The following PIK3C3 variants were observed in gnomAD, a reference collection of about 807,000 sequenced individuals.
PIK3C3 encodes phosphatidylinositol 3-kinase catalytic subunit type 3.
PIK3C3 carries 95 observed loss-of-function variants against 126.1 expected under a neutral mutation model. The ratio of observed to expected loss-of-function variants is 0.75; its 90% CI spans 0.64 to 0.89. The LOEUF is 0.89. Among genes scored for constraint, PIK3C3 ranks in the 40% least tolerant of loss-of-function variants. The pLI is 0.00. For missense variants in PIK3C3, 829 were observed against 1,063.2 expected (o/e 0.78, Z 3.06); for synonymous variants, 374 against 360.0 (o/e 1.04, Z -0.44).
chr18:42,015,811 C>T (rs1441453566), intron 12 of PIK3C3, among the ~76,000 whole-genome samples: 1 of 152,116 alleles, frequency 6.6e-6, no homozygotes, highest in Non-Finnish European at 1.5e-5. Context: ...TGAAAATAAA[C>T]TAGGCTTAAA....
At chr18:42,049,079 A>G in intron 20 of PIK3C3, among the ~76,000 whole-genome samples, 1 of 152,146 alleles carries the variant, frequency 6.6e-6, no homozygotes, top group African/African-American at 2.4e-5. Context: ...TTACCACTCA[A>G]ATGAATGCAT....
At chr18:41,979,409 A>G (rs1161112136) in intron 4 of PIK3C3, among the ~76,000 whole-genome samples, 1 of 152,200 alleles carries the variant, frequency 6.6e-6, no homozygotes, top group Non-Finnish European at 1.5e-5. Flanking sequence ...GTTATCTCTG[A>G]AAGACTAAGA....
At chr18:41,977,841 C>T (rs572611875) in intron 4 of PIK3C3, among the ~76,000 whole-genome samples, 133 of 152,244 alleles carry the variant, frequency 8.7e-4, no homozygotes, top group African/African-American at 3.1e-3. Flanking sequence ...ATGATGGTAA[C>T]GAAGTCTCAT....
intron 23 of PIK3C3, 145 bp downstream of exon 23, chr18:42,064,975 G>A (rs1331412415): frequency 1.8e-6 from 1 of 540,964 alleles, no homozygotes; most frequent in Non-Finnish European, 3.4e-6. Context: ...CTCTCATCTG[G>A]AGAGACAGTT....
intron 4 of PIK3C3, among the ~76,000 whole-genome samples, chr18:41,974,102 A>G (rs150283251): frequency 4.6e-4 from 70 of 152,330 alleles, no homozygotes; most frequent in African/African-American, 1.5e-3. Flanking sequence ...ACTCACTTAT[A>G]GAACTACTTC....
intron 3 of PIK3C3, among the ~76,000 whole-genome samples, chr18:41,967,412 G>A (rs1980425576): frequency 6.6e-6 from 1 of 152,116 alleles, no homozygotes; most frequent in Non-Finnish European, 1.5e-5. Flanking sequence ...TTTCTCAGAT[G>A]TTTCTTATGC....
chr18:41,983,566 T>C (rs625896), intron 4 of PIK3C3, among the ~76,000 whole-genome samples: 76,482 of 151,948 alleles, frequency 0.5, 21,317 homozygotes, highest in African/African-American at 0.75. Context: ...ATAGCTCTTA[T>C]ACTCAAGAAG....
intron 13 of PIK3C3, chr18:42,025,478 T>C (rs1419249802): frequency 6.6e-6 from 1 of 152,202 alleles, no homozygotes; most frequent in African/African-American, 2.4e-5. Flanking sequence ...CAGCCCCACT[T>C]CTCTGTCTTT....
At chr18:41,955,435 G>A (rs1359912368) in intron 1 of PIK3C3, 76 bp downstream of exon 1, 1 of 1,263,068 alleles carries the variant, frequency 7.9e-7, no homozygotes, top group Admixed American at 1.8e-5. Flanking sequence ...TTGGGAGTGA[G>A]AGGCAGAAAG....
intron 9 of PIK3C3, among the ~76,000 whole-genome samples, chr18:42,000,199 G>C (rs1266387398): frequency 6.6e-6 from 1 of 152,008 alleles, no homozygotes; most frequent in Non-Finnish European, 1.5e-5. Context: ...GATTGCAGGC[G>C]TGCACCACCA....
intron 4 of PIK3C3, among the ~76,000 whole-genome samples, chr18:41,978,225 G>A (rs1401863431): frequency 6.6e-6 from 1 of 152,144 alleles, no homozygotes; most frequent in East Asian, 1.9e-4. Context: ...AAACTGCTGG[G>A]ATTACAGGCA....
rs1555643385 is a variant in PIK3C3, at chr18:42,076,133, T to TATATATATGCAC, written c.2650-4982_2650-4981insGCACATATATAT. Among the ~76,000 whole-genome samples, 231 of 91,744 alleles carry TATATATATGCAC rather than the reference T, an allele frequency of 2.5e-3. 5 individuals are homozygous for TATATATATGCAC. The highest frequency in any genetic ancestry group is 0.013 in the African/African-American group (201 of 15,660). 60.2% of individuals were successfully genotyped at this position (91,744 alleles called of 152,430 possible). On this transcript the variant is annotated intron_variant, in intron 24 of 24. Transcript: ENST00000262039. ...ATATATATATATATGCGCATATATA[T>TATATATATGCAC]ATATATATATGCGCATATATATATA...
intron 24 of PIK3C3, among the ~76,000 whole-genome samples, chr18:42,072,873 G>C (rs189257541): frequency 9.9e-5 from 15 of 152,162 alleles, no homozygotes; most frequent in African/African-American, 3.6e-4. Flanking sequence ...GGTTGTATAC[G>C]TGGGAAAGAT....
At chr18:41,991,061 G>GT (rs1394148220) in intron 6 of PIK3C3, among the ~76,000 whole-genome samples, 1 of 152,084 alleles carries the variant, frequency 6.6e-6, no homozygotes, top group Non-Finnish European at 1.5e-5. Context: ...ATCAGGCTGG[G>GT]TAATAACAAA....
At position 42,067,404 on chromosome 18, in the gene PIK3C3, G is replaced by T; in HGVS notation, c.2540G>T (p.Arg847Leu). The T allele has an allele frequency of 6.2e-7, 1 of 1,613,922 alleles. No individual in the cohort carries two copies. The highest frequency in any genetic ancestry group is 8.5e-7 in the Non-Finnish European group (1 of 1,179,850). ...KTVKKVQDKFRLDLSDEEAVH... is the reference protein window; with the variant it reads ...KTVKKVQDKFLLDLSDEEAVH... ...ATCTTATAGGTTCAGGATAAATTCCGCTTAGACCTGTCGGATGAAGAGGCT... is the reference window on the plus strand; with the variant it reads ...ATCTTATAGGTTCAGGATAAATTCCTCTTAGACCTGTCGGATGAAGAGGCT... Residue 847 changes from arginine (R) to leucine (L), a missense_variant, in exon 24 of 25, where the codon CGC becomes CTC. Physicochemically the swap from Arg to Leu is moderately radical, Grantham distance 102. This residue lies in a region of PIK3C3 where 196 missense variants were observed against 312.8 expected (regional missense o/e 0.63). Coordinates refer to ENST00000262039, the MANE Select transcript of PIK3C3 (RefSeq NM_002647.4).
At chr18:42,063,387 G>A (rs901471422) in intron 22 of PIK3C3, among the ~76,000 whole-genome samples, 1 of 152,180 alleles carries the variant, frequency 6.6e-6, no homozygotes, top group Non-Finnish European at 1.5e-5. Flanking sequence ...TTGGTTGAAT[G>A]AATAAAATGA....
chr18:41,973,543 C>A (rs923424233), intron 4 of PIK3C3, among the ~76,000 whole-genome samples: 1 of 152,004 alleles, frequency 6.6e-6, no homozygotes, highest in Admixed American at 6.6e-5. Context: ...ATTATTTTGA[C>A]TGAATTTATT....
At chr18:41,991,366 T>G (rs1981768964) in intron 6 of PIK3C3, among the ~76,000 whole-genome samples, 1 of 151,960 alleles carries the variant, frequency 6.6e-6, no homozygotes, top group Non-Finnish European at 1.5e-5. Context: ...TTATTTAAAA[T>G]AAATATAAAA....
chr18:41,968,592 T>G (rs777668324), intron 3 of PIK3C3, among the ~76,000 whole-genome samples: 3 of 152,200 alleles, frequency 2.0e-5, no homozygotes, highest in African/African-American at 7.2e-5. Flanking sequence ...TTAACAGATA[T>G]GGTCTTTGAT....
Sources: allele counts gnomAD v4.1 joint callset (sites outside exome capture counted in the v4.1 genomes callset), GRCh38; gene constraint gnomAD v4.1.1; regional missense constraint gnomAD v4.1.1; transcripts MANE v1.5; gene names NCBI Gene and HGNC (gene_info 2026-07-23, HGNC 2026-07-21).